Variants in MYO5B observed in about 807,000 individuals in gnomAD.
MYO5B encodes the protein myosin VB, also known as unconventional myosin-Vb.
MYO5B carries 143 observed loss-of-function variants against 229.3 expected under a neutral mutation model. The observed-to-expected ratio is 0.62, with a 90% confidence interval of 0.54 to 0.72. The LOEUF is 0.72. Ranked by LOEUF, MYO5B falls within the 30% of genes least tolerant of loss-of-function variation. The pLI is 0.00. For synonymous variants in MYO5B, 918 were observed against 885.2 expected, an observed-to-expected ratio of 1.04 and a Z score of -0.66; for missense variants, 2,321 against 2,331.0, an observed-to-expected ratio of 1.00 and a Z score of 0.09.
chr18:50,109,591 A>T (rs573580309), intron 1 of MYO5B, among the ~76,000 whole-genome samples: 1 of 151,584 alleles, frequency 6.6e-6, no homozygotes, highest in East Asian at 1.9e-4. Flanking sequence ...TGCTTGGCTA[A>T]TTTTTTTTGT....
intron 38 of MYO5B, among the ~76,000 whole-genome samples, chr18:49,835,964 G>A (rs1307505657): frequency 6.6e-6 from 1 of 152,168 alleles, no homozygotes; most frequent in Non-Finnish European, 1.5e-5. Context: ...TAAGTGAAAT[G>A]TATTTAAAGA....
At chr18:50,032,530 A>C (rs924375400) in intron 4 of MYO5B, among the ~76,000 whole-genome samples, 13 of 152,224 alleles carry the variant, frequency 8.5e-5, no homozygotes, top group African/African-American at 2.9e-4. Context: ...ATGTGGTAGC[A>C]TGTATCAGTT....
At chr18:49,875,898 C>T (rs2024516702) in intron 25 of MYO5B, 71 bp from the exon 26 acceptor site, 2 of 1,560,324 alleles carry the variant, frequency 1.3e-6, no homozygotes, top group African/African-American at 1.4e-5. Context: ...CAGCACTTCA[C>T]TGCCTCCCTC....
intron 14 of MYO5B, among the ~76,000 whole-genome samples, chr18:49,945,753 G>A (rs559742717): frequency 3.0e-4 from 21 of 69,280 alleles, no homozygotes; most frequent in Admixed American, 1.4e-3. Flanking sequence ...GAGGGGAGGA[G>A]GGGAGGAGGA....
intron 7 of MYO5B, among the ~76,000 whole-genome samples, chr18:49,989,612 G>A (rs114446840): frequency 6.6e-6 from 1 of 152,102 alleles, no homozygotes; most frequent in Admixed American, 6.5e-5. Flanking sequence ...CACAGAGAAG[G>A]GCCAAAGGCT....
chr18:50,020,403 CCCTTAAG>C (rs1428360125), intron 4 of MYO5B, among the ~76,000 whole-genome samples: 1 of 152,220 alleles, frequency 6.6e-6, no homozygotes, highest in Non-Finnish European at 1.5e-5. Flanking sequence ...TTTCCTCCTC[CCCTTAAG>C]ATGGGAAGAA....
chr18:50,043,660 T>G (rs142482465), intron 2 of MYO5B, among the ~76,000 whole-genome samples: 1,705 of 138,224 alleles, frequency 0.012, 30 homozygotes, highest in African/African-American at 0.043. Flanking sequence ...AATATGTAAA[T>G]ATATAAAATA....
chr18:49,929,883 T>C (rs949978205), intron 16 of MYO5B, among the ~76,000 whole-genome samples: 7 of 151,646 alleles, frequency 4.6e-5, no homozygotes, highest in Non-Finnish European at 7.4e-5. Context: ...CCCACCCGAA[T>C]CCTCCCCACC....
chr18:49,943,270 G>A (rs1047851155), intron 14 of MYO5B, among the ~76,000 whole-genome samples: 1 of 151,410 alleles, frequency 6.6e-6, no homozygotes, highest in Non-Finnish European at 1.5e-5. Flanking sequence ...AATGTTAAAT[G>A]ACGAGTTACT....
rs771960515 is a variant in MYO5B at position 49,843,319 on chromosome 18, G to A, written c.4533C>T (p.His1511=). 2.5e-5 allele frequency: 41 copies of A among 1,614,110 alleles called. No individual in the cohort carries two copies. The highest frequency in any genetic ancestry group is 1.6e-4 in the Middle Eastern group (1 of 6,084). ...PAYILYMCIR[H]ADYTNDDLKV... is the part of the protein sequence containing the mutation. ...TGAGATCGTCGTTGGTGTAGTCCGCGTGCCGGATGCACATGTAGAGGATGT... is the reference window on the plus strand; with the variant it reads ...TGAGATCGTCGTTGGTGTAGTCCGCATGCCGGATGCACATGTAGAGGATGT... The change falls in exon 34 of 40, where the codon CAC becomes CAT. Residue 1511 remains histidine (H), a synonymous_variant. Coordinates refer to ENST00000285039, the MANE Select transcript of MYO5B (RefSeq NM_001080467.3).
intron 1 of MYO5B, chr18:50,064,459 G>T (rs1187206560): frequency 6.6e-6 from 1 of 152,170 alleles, no homozygotes; most frequent in African/African-American, 2.4e-5. Flanking sequence ...TCAGCTCCTA[G>T]ACTGTCAAAC....
intron 3 of MYO5B, among the ~76,000 whole-genome samples, chr18:50,037,324 A>C (rs1368255812): frequency 6.6e-6 from 1 of 152,176 alleles, no homozygotes; most frequent in Non-Finnish European, 1.5e-5. Flanking sequence ...AGGATATTAA[A>C]TTCTACCAGT....
intron 1 of MYO5B, among the ~76,000 whole-genome samples, chr18:50,059,515 T>G (rs897093349): frequency 6.6e-6 from 1 of 152,204 alleles, no homozygotes; most frequent in East Asian, 1.9e-4. Flanking sequence ...ATTTTGTATA[T>G]GCAGATCTGA....
At chr18:49,901,035 T>C (rs1376892442) in intron 21 of MYO5B, among the ~76,000 whole-genome samples, 1 of 152,228 alleles carries the variant, frequency 6.6e-6, no homozygotes, top group Non-Finnish European at 1.5e-5. Flanking sequence ...ATATACAAAA[T>C]GATCTCACAA....
intron 1 of MYO5B, among the ~76,000 whole-genome samples, chr18:50,071,080 T>TCC (rs759418266): frequency 4.3e-4 from 65 of 152,310 alleles, no homozygotes; most frequent in Non-Finnish European, 7.2e-4. Context: ...CGCCTTGGCC[T>TCC]CCCCAAATAC....
chr18:49,939,349 T>C (rs866095357), intron 14 of MYO5B, among the ~76,000 whole-genome samples: 1 of 152,056 alleles, frequency 6.6e-6, no homozygotes, highest in Non-Finnish European at 1.5e-5. Flanking sequence ...TTTCACCATG[T>C]TGGCCAGGAT....
intron 1 of MYO5B, among the ~76,000 whole-genome samples, chr18:50,108,045 A>G (rs1006131948): frequency 6.6e-6 from 1 of 152,090 alleles, no homozygotes; most frequent in African/African-American, 2.4e-5. Context: ...AGCAGCTGGG[A>G]TTACAGGCAT....
chr18:49,945,584 C>T (rs539170962), intron 14 of MYO5B, among the ~76,000 whole-genome samples: 3 of 152,290 alleles, frequency 2.0e-5, no homozygotes, highest in Admixed American at 1.3e-4. Context: ...AAACACATTC[C>T]AACCAACAGC....
intron 22 of MYO5B, among the ~76,000 whole-genome samples, chr18:49,889,881 C>T (rs1287454409): frequency 2.0e-5 from 3 of 152,208 alleles, no homozygotes; most frequent in Non-Finnish European, 4.4e-5. Context: ...GCATGTATGC[C>T]ACCTACACCT....
Sources: allele counts gnomAD v4.1 joint callset (sites outside exome capture counted in the v4.1 genomes callset), GRCh38; gene constraint gnomAD v4.1.1; transcripts MANE v1.5; gene names NCBI Gene and HGNC (gene_info 2026-07-23, HGNC 2026-07-21).